SLC10A7: variants seen among roughly 807,000 people sequenced by gnomAD.
SLC10A7 encodes the protein solute carrier family 10 member 7, also known as sodium/bile acid cotransporter 7.
SLC10A7 carries 29 observed loss-of-function variants against 43.2 expected under a neutral mutation model. That is an observed-to-expected ratio of 0.67 (90% CI 0.50 to 0.92). SLC10A7 has a LOEUF of 0.92. SLC10A7 is among the 40% of genes least tolerant of loss of function. The pLI, the probability that SLC10A7 is intolerant of heterozygous loss-of-function variation, is 0.00. For synonymous variants in SLC10A7, 152 were observed against 144.8 expected, an observed-to-expected ratio of 1.05 and a Z score of -0.35; for missense variants, 295 against 403.2, an observed-to-expected ratio of 0.73 and a Z score of 2.30.
intron 1 of SLC10A7, among the ~76,000 whole-genome samples, chr4:146,521,078 G>C (rs1290713334): frequency 6.6e-6 from 1 of 152,128 alleles, no homozygotes; most frequent in Admixed American, 6.5e-5. Context: ...TGTAATCAAA[G>C]AGTGCAACGT....
At chr4:146,415,941 T>G (rs1355973200) in intron 5 of SLC10A7, among the ~76,000 whole-genome samples, 1 of 152,210 alleles carries the variant, frequency 6.6e-6, no homozygotes, top group African/African-American at 2.4e-5. Flanking sequence ...CCCTAGCCTC[T>G]ATCTTGCTCA....
intron 4 of SLC10A7, among the ~76,000 whole-genome samples, chr4:146,487,754 G>C (rs1401797679): frequency 6.6e-6 from 1 of 152,154 alleles, no homozygotes; most frequent in African/African-American, 2.4e-5. Flanking sequence ...GTTAAAGATA[G>C]AAAAATATAG....
At chr4:146,284,976 C>A (rs1729795555) in intron 9 of SLC10A7, among the ~76,000 whole-genome samples, 1 of 152,058 alleles carries the variant, frequency 6.6e-6, no homozygotes, top group Non-Finnish European at 1.5e-5. Context: ...TGATAGAGCA[C>A]AAATAACCTT....
intron 5 of SLC10A7, among the ~76,000 whole-genome samples, chr4:146,424,893 T>C (rs1192175122): frequency 6.6e-6 from 1 of 152,120 alleles, no homozygotes; most frequent in African/African-American, 2.4e-5. Flanking sequence ...CAGAACAGTA[T>C]AGTGTTGAAA....
chr4:146,358,176 A>T (rs1735792984), intron 5 of SLC10A7, among the ~76,000 whole-genome samples: 4 of 152,102 alleles, frequency 2.6e-5, no homozygotes. Flanking sequence ...TTCTTCTCTA[A>T]TCCCTCTTTC....
intron 5 of SLC10A7, among the ~76,000 whole-genome samples, chr4:146,428,416 T>C (rs563792156): frequency 6.6e-6 from 1 of 152,308 alleles, no homozygotes; most frequent in Admixed American, 6.5e-5. Context: ...ATATTCTGAA[T>C]TATGAACTCA....
intron 5 of SLC10A7, among the ~76,000 whole-genome samples, chr4:146,428,289 GAGAT>G (rs914430098): frequency 1.6e-4 from 24 of 152,262 alleles, no homozygotes; most frequent in African/African-American, 5.8e-4. Flanking sequence ...CCATTACATG[GAGAT>G]AGATAGCACT....
chr4:146,261,917 T>A (rs1223065792), intron 10 of SLC10A7, among the ~76,000 whole-genome samples: 1 of 152,164 alleles, frequency 6.6e-6, no homozygotes, highest in Admixed American at 6.5e-5. Flanking sequence ...TCGAGTCATA[T>A]GTTACTTGTT....
chr4:146,436,555 C>T (rs1355085582), intron 5 of SLC10A7, among the ~76,000 whole-genome samples: 5 of 151,984 alleles, frequency 3.3e-5, no homozygotes, highest in Admixed American at 3.3e-4. Flanking sequence ...AATTTTAATT[C>T]ACTTCTTTGA....
chr4:146,350,054 C>T (rs1734929531), intron 5 of SLC10A7, among the ~76,000 whole-genome samples: 1 of 151,978 alleles, frequency 6.6e-6, no homozygotes, highest in South Asian at 2.1e-4. Context: ...AGGAACAGCT[C>T]CCGTCTACAG....
At chr4:146,509,705 A>G (rs1737272331) in intron 3 of SLC10A7, among the ~76,000 whole-genome samples, 1 of 152,210 alleles carries the variant, frequency 6.6e-6, no homozygotes, top group Admixed American at 6.5e-5. Context: ...CACAGGATGA[A>G]GCATGAGGGT....
chr4:146,315,064 G>A (rs914084236), intron 6 of SLC10A7, among the ~76,000 whole-genome samples: 54 of 152,114 alleles, frequency 3.5e-4, no homozygotes, highest in Non-Finnish European at 1.0e-4. Flanking sequence ...TAAGCAAGAT[G>A]TAGTTGGGGA....
intron 4 of SLC10A7, among the ~76,000 whole-genome samples, chr4:146,472,887 T>G (rs1454111444): frequency 6.6e-6 from 1 of 152,238 alleles, no homozygotes; most frequent in East Asian, 1.9e-4. Context: ...TCTAGTTGTC[T>G]AAAGGCCATT....
intron 5 of SLC10A7, among the ~76,000 whole-genome samples, chr4:146,379,539 T>A (rs1467439205): frequency 6.6e-6 from 1 of 152,164 alleles, no homozygotes; most frequent in Non-Finnish European, 1.5e-5. Flanking sequence ...AAATATTTTG[T>A]CTCATGTAAT....
intron 5 of SLC10A7, among the ~76,000 whole-genome samples, chr4:146,362,985 T>C (rs577975260): frequency 4.6e-5 from 7 of 151,652 alleles, no homozygotes; most frequent in African/African-American, 1.7e-4. Context: ...AAACACATAA[T>C]AAAAAAAGCA....
At chr4:146,349,792 T>TA (rs1734894101) in intron 5 of SLC10A7, among the ~76,000 whole-genome samples, 1 of 152,072 alleles carries the variant, frequency 6.6e-6, no homozygotes, top group Non-Finnish European at 1.5e-5. Flanking sequence ...TATTGGGTTC[T>TA]CATGGACATA....
In SLC10A7 at chr4:146,353,453, G is replaced by C. The variant is rs1167321847; in HGVS notation, c.436-27457C>G. ...ATGGATTCACAGCCAAATTCTACCA[G>C]AGGTACAAGGAGGAACTGGTACCAT... On this transcript the variant is annotated intron_variant, in intron 5 of 11. Coordinates refer to ENST00000335472, the MANE Select transcript of SLC10A7 (RefSeq NM_001029998.6). Among the ~76,000 whole-genome samples the C allele has an allele frequency of 7.8e-4, 109 of 139,808 alleles. 1 individual carries two copies. The highest frequency in any genetic ancestry group is 3.0e-3 in the African/African-American group (107 of 36,270). 91.7% of individuals were successfully genotyped at this position (139,808 alleles called of 152,430 possible).
chr4:146,457,349 C>T (rs1274382089), intron 4 of SLC10A7, among the ~76,000 whole-genome samples: 1 of 151,670 alleles, frequency 6.6e-6, no homozygotes, highest in Non-Finnish European at 1.5e-5. Context: ...AATGGGTATC[C>T]ATCTCCTCAA....
chr4:146,406,157 T>C (rs921923512), intron 5 of SLC10A7, among the ~76,000 whole-genome samples: 2 of 152,164 alleles, frequency 1.3e-5, no homozygotes, highest in African/African-American at 2.4e-5. Flanking sequence ...TTCTTAATCA[T>C]TGAAAATTAA....
Sources: allele counts gnomAD v4.1 joint callset (sites outside exome capture counted in the v4.1 genomes callset), GRCh38; gene constraint gnomAD v4.1.1; transcripts MANE v1.5; gene names NCBI Gene and HGNC (gene_info 2026-07-23, HGNC 2026-07-21).